Variants in ITK observed in about 807,000 individuals in gnomAD.
The protein encoded by ITK is tyrosine-protein kinase ITK/TSK.
A neutral mutation model predicts 87.6 loss-of-function variants in ITK; 45 were observed. The ratio of observed to expected loss-of-function variants is 0.51; its 90% confidence interval spans 0.40 to 0.66. ITK has a LOEUF of 0.66. ITK is among the 30% of genes least tolerant of loss of function. ITK has a pLI of 0.00. For synonymous variants in ITK, 303 were observed against 273.6 expected (o/e 1.11, Z -1.06); for missense variants, 605 against 766.3 (o/e 0.79, Z 2.48).
In ITK at chr5:157,243,841, G is replaced by C. The variant is rs141668893; in HGVS notation, c.1232+47G>C. 2.5e-6 allele frequency: 4 copies of C among 1,573,296 alleles called. No individual in the cohort carries two copies. In the South Asian group the frequency reaches 4.4e-5, roughly 17 times the overall value. On this transcript the variant is annotated intron_variant, in intron 12 of 16. Coordinates refer to ENST00000422843, the MANE Select transcript of ITK (RefSeq NM_005546.4). ...ATGCAGAAACTCTGGGGGGAACATCGGTTCAGTGTTCTTGAAATGCCATTC... is the reference window on the plus strand; with the variant it reads ...ATGCAGAAACTCTGGGGGGAACATCCGTTCAGTGTTCTTGAAATGCCATTC...
chr5:157,225,896 C>A (rs2113762961), intron 6 of ITK, among the ~76,000 whole-genome samples: 1 of 152,282 alleles, frequency 6.6e-6, no homozygotes, highest in African/African-American at 2.4e-5. Flanking sequence ...ATTTGTTCTC[C>A]TAGGCCTTAC....
chr5:157,201,189 A>T (rs920583735), intron 1 of ITK, among the ~76,000 whole-genome samples: 4 of 152,126 alleles, frequency 2.6e-5, no homozygotes, highest in East Asian at 1.9e-4. Context: ...TAGAAAAAAA[A>T]TTTTGAGTCT....
At chr5:157,237,270 C>T (rs1211446431) in intron 8 of ITK, among the ~76,000 whole-genome samples, 4 of 152,166 alleles carry the variant, frequency 2.6e-5, no homozygotes, top group Non-Finnish European at 5.9e-5. Context: ...GAGGAATTAT[C>T]CTAAGTGAAT....
At chr5:157,250,773 G>T (rs1452677200) in intron 16 of ITK, among the ~76,000 whole-genome samples, 2 of 151,844 alleles carry the variant, frequency 1.3e-5, no homozygotes, top group African/African-American at 4.8e-5. Flanking sequence ...CGTAGTGCTG[G>T]GATTATAAGT....
intron 5 of ITK, among the ~76,000 whole-genome samples, chr5:157,222,488 A>G (rs190916176): frequency 6.6e-4 from 100 of 152,352 alleles, no homozygotes; most frequent in African/African-American, 2.3e-3. Flanking sequence ...GTAGATCTAG[A>G]TAAACCCACA....
intron 1 of ITK, among the ~76,000 whole-genome samples, chr5:157,192,742 T>G (rs1015951955): frequency 1.3e-5 from 2 of 152,218 alleles, no homozygotes; most frequent in Admixed American, 1.3e-4. Flanking sequence ...CTATGCCCCT[T>G]GGCCTGTCCC....
intron 1 of ITK, among the ~76,000 whole-genome samples, chr5:157,206,573 G>A (rs944497424): frequency 6.6e-6 from 1 of 152,086 alleles, no homozygotes; most frequent in African/African-American, 2.4e-5. Flanking sequence ...AGTTTGTTAT[G>A]GATTTGTTCA....
At chr5:157,251,079 T>C (rs1164222827) in intron 16 of ITK, among the ~76,000 whole-genome samples, 1 of 152,224 alleles carries the variant, frequency 6.6e-6, no homozygotes, top group Non-Finnish European at 1.5e-5. Context: ...GGTAAGACTA[T>C]GTTTAACTTT....
chr5:157,224,022 G>A (rs375299087), intron 6 of ITK, among the ~76,000 whole-genome samples: 1 of 152,282 alleles, frequency 6.6e-6, no homozygotes, highest in East Asian at 1.9e-4. Context: ...ACTGGCTCAC[G>A]CCTGTAATCC....
intron 4 of ITK, among the ~76,000 whole-genome samples, chr5:157,215,334 C>T (rs374988705): frequency 9.1e-4 from 139 of 152,286 alleles, no homozygotes; most frequent in African/African-American, 3.2e-3. Flanking sequence ...CAACCCAAGG[C>T]GGATGTAACA....
rs886060327 is a variant in ITK at position 157,241,720 on chromosome 5, G to T, written c.1060G>T (p.Gly354Trp). The T allele has an allele frequency of 6.2e-7, 1 of 1,610,856 alleles. No individual in the cohort carries two copies. Among genetic ancestry groups the T allele is most frequent in the Non-Finnish European group, 8.5e-7 (1 of 1,177,356 alleles). Residue 354 changes from glycine (G) to tryptophan (W), a missense_variant and splice_region_variant, in exon 11 of 17, where the codon GGG becomes TGG. Transcript: ENST00000422843. ...KAPVTAGLRY[G>W]KWVIDPSELT... ...CCCAGTTACAGCAGGGCTGAGATAC[G>T]GTGAGCAGTACAATCAGGAATGTAA...
chr5:157,233,928 G>GATAC (rs1326358591), intron 8 of ITK, among the ~76,000 whole-genome samples: 4 of 45,568 alleles, frequency 8.8e-5, no homozygotes, highest in Non-Finnish European at 7.9e-5. Context: ...CCTCCTTACT[G>GATAC]ATACATATAT....
chr5:157,229,514 A>C (rs1174643972), intron 7 of ITK, among the ~76,000 whole-genome samples: 1 of 152,258 alleles, frequency 6.6e-6, no homozygotes, highest in African/African-American at 2.4e-5. Context: ...ATATTAGACA[A>C]ATCCAAATTA....
chr5:157,241,741 T>C (rs1175771209), intron 11 of ITK, 21 bp downstream of exon 11: 7 of 1,581,476 alleles, frequency 4.4e-6, no homozygotes, highest in Non-Finnish European at 6.1e-6. Flanking sequence ...CAATCAGGAA[T>C]GTAAACTCAT....
chr5:157,248,893 T>C lies in ITK; in HGVS notation c.1677T>C (p.Tyr559=), dbSNP rs1483478758. 8.1e-6 allele frequency: 13 copies of C among 1,614,004 alleles called. No homozygotes were observed. Among genetic ancestry groups the C allele is most frequent in the Non-Finnish European group, 1.1e-5 (13 of 1,179,878 alleles). The change falls in exon 16 of 17, where the codon TAT becomes TAC. Residue 559 remains tyrosine, a synonymous_variant. Transcript: ENST00000422843. Reference sequence around the variant, plus strand: ...TTTTCAGTGAAGGCAAAATCCCGTATGAAAACCGAAGCAACTCAGAGGTGG... The same window carrying C: ...TTTTCAGTGAAGGCAAAATCCCGTACGAAAACCGAAGCAACTCAGAGGTGG... ...WEVFSEGKIP[Y]ENRSNSEVVE...
At chr5:157,222,031 A>G (rs1445771975) in intron 5 of ITK, among the ~76,000 whole-genome samples, 2 of 152,044 alleles carry the variant, frequency 1.3e-5, no homozygotes, top group Admixed American at 1.3e-4. Flanking sequence ...ATGACATACT[A>G]CATCAAAATG....
At chr5:157,189,967 A>G (rs1295543428) in intron 1 of ITK, among the ~76,000 whole-genome samples, 2 of 152,200 alleles carry the variant, frequency 1.3e-5, no homozygotes, top group Admixed American at 6.5e-5. Context: ...GTTTGGCTTC[A>G]TGACACTCAG....
chr5:157,225,574 C>T (rs1229908913), intron 6 of ITK, among the ~76,000 whole-genome samples: 1 of 152,096 alleles, frequency 6.6e-6, no homozygotes, highest in Non-Finnish European at 1.5e-5. Context: ...GGCTTATCAA[C>T]CCCATTACAG....
intron 5 of ITK, among the ~76,000 whole-genome samples, chr5:157,219,613 C>T (rs1251144756): frequency 6.6e-6 from 1 of 152,206 alleles, no homozygotes; most frequent in Non-Finnish European, 1.5e-5. Context: ...GTGTTTAGAT[C>T]TGTCATCAGC....
Sources: gnomAD v4.1 joint callset for allele counts (sites outside exome capture counted in the v4.1 genomes callset) on GRCh38, gnomAD v4.1.1 for gene constraint, MANE v1.5 for transcripts, NCBI Gene and HGNC (gene_info 2026-07-23, HGNC 2026-07-21) for gene names.